Variants in GRID2 observed in about 807,000 individuals in gnomAD.
The protein encoded by GRID2 is glutamate receptor ionotropic, delta-2.
In GRID2, 33 loss-of-function variants were observed where a neutral mutation model predicts 114.8. That is an observed-to-expected ratio of 0.29 (90% CI 0.22 to 0.38). GRID2 has a LOEUF of 0.38. Ranked by LOEUF, GRID2 falls within the 10% of genes least tolerant of loss-of-function variation. The pLI is 1.00. For synonymous variants in GRID2, 505 were observed against 449.9 expected, an observed-to-expected ratio of 1.12 and a Z score of -1.55; for missense variants, 1,184 against 1,257.7, an observed-to-expected ratio of 0.94 and a Z score of 0.89.
At chr4:93,440,243 C>G (rs931029868) in intron 10 of GRID2, among the ~76,000 whole-genome samples, 6 of 151,964 alleles carry the variant, frequency 3.9e-5, no homozygotes, top group Non-Finnish European at 7.4e-5. Flanking sequence ...GAAAACTTTG[C>G]CCACCGAAGA....
chr4:93,769,666 T>C (rs776315043), intron 15 of GRID2, among the ~76,000 whole-genome samples: 49 of 152,316 alleles, frequency 3.2e-4, no homozygotes, highest in Admixed American at 1.2e-3. Context: ...ACTATAGTGT[T>C]TGAAAGACTT....
chr4:93,362,189 C>T (rs1434245731), intron 8 of GRID2, among the ~76,000 whole-genome samples: 1 of 152,068 alleles, frequency 6.6e-6, no homozygotes, highest in Non-Finnish European at 1.5e-5. Flanking sequence ...TTTCTCGATA[C>T]TAGATTTTCC....
chr4:92,657,448 A>C (rs1240923219), intron 2 of GRID2, among the ~76,000 whole-genome samples: 1 of 151,634 alleles, frequency 6.6e-6, no homozygotes, highest in East Asian at 1.9e-4. Context: ...CGTGCTATGA[A>C]ATTATTCAAG....
At chr4:92,685,147 T>C (rs933614272) in intron 2 of GRID2, among the ~76,000 whole-genome samples, 1 of 152,136 alleles carries the variant, frequency 6.6e-6, no homozygotes, top group Non-Finnish European at 1.5e-5. Context: ...AAAATTTAAT[T>C]TTTCAAATCT....
chr4:93,001,448 T>A (rs551781334), intron 2 of GRID2, among the ~76,000 whole-genome samples: 2 of 151,786 alleles, frequency 1.3e-5, no homozygotes, highest in African/African-American at 4.8e-5. Flanking sequence ...TGAATTATTA[T>A]AGGAGTCAAA....
At chr4:92,794,583 A>G (rs1336942358) in intron 2 of GRID2, among the ~76,000 whole-genome samples, 1 of 151,664 alleles carries the variant, frequency 6.6e-6, no homozygotes, top group Non-Finnish European at 1.5e-5. Flanking sequence ...GACTCCAAAA[A>G]CTGCCGAATA....
intron 13 of GRID2, among the ~76,000 whole-genome samples, chr4:93,526,600 A>G (rs1730926663): frequency 1.3e-5 from 2 of 152,318 alleles, no homozygotes; most frequent in African/African-American, 2.4e-5. Context: ...ACCTGAGGTC[A>G]GGAGTTCGAG....
chr4:92,415,013 C>T (rs1731525209), intron 1 of GRID2, among the ~76,000 whole-genome samples: 1 of 151,836 alleles, frequency 6.6e-6, no homozygotes, highest in South Asian at 2.1e-4. Flanking sequence ...TTTCACCCTG[C>T]CTTATTATTA....
At chr4:92,593,929 G>GA (rs536259659) in intron 2 of GRID2, among the ~76,000 whole-genome samples, 4,939 of 137,032 alleles carry the variant, frequency 0.036, 94 homozygotes, top group Middle Eastern at 0.1. Context: ...AATACAAAAA[G>GA]AAAAAAAAAA....
intron 8 of GRID2, among the ~76,000 whole-genome samples, chr4:93,384,698 G>A (rs908160360): frequency 2.6e-5 from 4 of 152,028 alleles, no homozygotes; most frequent in Non-Finnish European, 4.4e-5. Flanking sequence ...ACTAATGCAC[G>A]GTGGTTGTAT....
intron 2 of GRID2, among the ~76,000 whole-genome samples, chr4:93,057,298 C>T (rs532741180): frequency 1.3e-5 from 2 of 151,882 alleles, no homozygotes; most frequent in African/African-American, 4.8e-5. Flanking sequence ...ATTTCAGTGT[C>T]CCTGTTTCAG....
chr4:93,328,072 C>T (rs935787793), intron 8 of GRID2, among the ~76,000 whole-genome samples: 20 of 151,694 alleles, frequency 1.3e-4, no homozygotes, highest in African/African-American at 4.4e-4. Context: ...CCAGCACTTT[C>T]GCGCCACTGC....
At chr4:92,456,266 ATATT>A (rs986566078) in intron 1 of GRID2, among the ~76,000 whole-genome samples, 1 of 152,096 alleles carries the variant, frequency 6.6e-6, no homozygotes, top group Non-Finnish European at 1.5e-5. Context: ...TATACAATAT[ATATT>A]AGGAACTAAA....
chr4:92,782,771 G>A (rs1304282968), intron 2 of GRID2, among the ~76,000 whole-genome samples: 1 of 152,036 alleles, frequency 6.6e-6, no homozygotes, highest in African/African-American at 2.4e-5. Context: ...GTGTCCTGGA[G>A]GGTCGAAGGT....
At chr4:93,145,382 A>G (rs1736109232) in intron 4 of GRID2, among the ~76,000 whole-genome samples, 1 of 152,040 alleles carries the variant, frequency 6.6e-6, no homozygotes, top group Non-Finnish European at 1.5e-5. Flanking sequence ...AAAAAAGAAA[A>G]CAGACATTGT....
At chr4:92,904,045 TTCTG>T (rs1335561558) in intron 2 of GRID2, among the ~76,000 whole-genome samples, 1 of 151,920 alleles carries the variant, frequency 6.6e-6, no homozygotes, top group Admixed American at 6.6e-5. Flanking sequence ...TAGTACTATA[TTCTG>T]TCTGTCACAC....
intron 1 of GRID2, among the ~76,000 whole-genome samples, chr4:92,376,888 C>A (rs2110229121): frequency 6.6e-6 from 1 of 152,232 alleles, no homozygotes; most frequent in East Asian, 1.9e-4. Flanking sequence ...AGTCCCTAGG[C>A]TACACACAGC....
chr4:93,552,109 T>G (rs1733820099), intron 13 of GRID2, among the ~76,000 whole-genome samples: 1 of 145,360 alleles, frequency 6.9e-6, no homozygotes, highest in East Asian at 2.2e-4. Context: ...AATTCCCACC[T>G]ATGAGTGAGA....
intron 14 of GRID2, among the ~76,000 whole-genome samples, chr4:93,652,604 A>T (rs1722674760): frequency 6.6e-6 from 1 of 151,756 alleles, no homozygotes; most frequent in South Asian, 2.1e-4. Flanking sequence ...GTGTAACTAC[A>T]CTCCATAATG....
Sources: gnomAD v4.1 joint callset for allele counts (sites outside exome capture counted in the v4.1 genomes callset) on GRCh38, gnomAD v4.1.1 for gene constraint, MANE v1.5 for transcripts, NCBI Gene and HGNC (gene_info 2026-07-23, HGNC 2026-07-21) for gene names.